The following SOAT1 variants were observed in gnomAD, a reference collection of about 807,000 sequenced individuals.
SOAT1 encodes acyl-coenzyme A:cholesterol acyltransferase 1.
A neutral mutation model predicts 69.5 loss-of-function variants in SOAT1; 55 were observed. The ratio of observed to expected loss-of-function variants is 0.79; its 90% CI spans 0.64 to 0.99. The LOEUF is 0.99. Among genes scored for constraint, SOAT1 ranks in the 50% least tolerant of loss-of-function variants. The pLI is 0.00. For missense variants in SOAT1, 580 were observed against 669.3 expected, an observed-to-expected ratio of 0.87 and a Z score of 1.47; for synonymous variants, 231 against 224.7, an observed-to-expected ratio of 1.03 and a Z score of -0.25.
At chr1:179,317,616 C>T (rs1665441855) in intron 2 of SOAT1, among the ~76,000 whole-genome samples, 1 of 149,084 alleles carries the variant, frequency 6.7e-6, no homozygotes, top group African/African-American at 2.5e-5. Flanking sequence ...AATTCATCTG[C>T]CAAAGTGATA....
chr1:179,344,345 A>T (rs1666445356), intron 10 of SOAT1, among the ~76,000 whole-genome samples: 3 of 99,140 alleles, frequency 3.0e-5, no homozygotes, highest in South Asian at 3.8e-4. Flanking sequence ...AAGTTCTTTC[A>T]TTAAGGGGTT....
chr1:179,351,721 A>ATTTTTTTTTGTTTTTTTTTTTTTTTT (rs1666741965), intron 15 of SOAT1, among the ~76,000 whole-genome samples: 1 of 106,468 alleles, frequency 9.4e-6, no homozygotes, highest in Non-Finnish European at 1.8e-5. Context: ...GCCCCTTCTA[A>ATTTTTTTTTGTTTTTTTTTTTTTTTT]TTTTTTTTTT....
At chr1:179,322,928 C>T (rs1049000087) in intron 2 of SOAT1, among the ~76,000 whole-genome samples, 8 of 152,104 alleles carry the variant, frequency 5.3e-5, no homozygotes, top group Admixed American at 5.2e-4. Flanking sequence ...CCTCTGTGTA[C>T]TATTCTGCAA....
intron 1 of SOAT1, among the ~76,000 whole-genome samples, chr1:179,297,916 C>T (rs1342379525): frequency 1.3e-5 from 2 of 149,930 alleles, no homozygotes; most frequent in East Asian, 4.1e-4. Context: ...GCAGGAGAAT[C>T]GCTTGAATCC....
intron 9 of SOAT1, 74 bp from the exon 10 acceptor site, chr1:179,343,516 A>G: frequency 1.5e-6 from 2 of 1,375,502 alleles, no homozygotes; most frequent in South Asian, 1.2e-5. Context: ...ACCAAAAAAC[A>G]TTAATTGTGA....
intron 2 of SOAT1, among the ~76,000 whole-genome samples, chr1:179,318,034 CT>C (rs1665456040): frequency 6.6e-6 from 1 of 151,686 alleles, no homozygotes; most frequent in African/African-American, 2.4e-5. Context: ...CTACAAAACA[CT>C]TAAAAAAAAA....
intron 3 of SOAT1, among the ~76,000 whole-genome samples, chr1:179,334,661 A>G (rs1666083273): frequency 6.6e-6 from 1 of 152,220 alleles, no homozygotes; most frequent in Non-Finnish European, 1.5e-5. Flanking sequence ...TATAAGTGAC[A>G]TTCTGTACCG....
rs142055109 is a variant in SOAT1 at position 179,294,556 on chromosome 1, G to T, written c.-9+620G>T. On this transcript the variant is annotated intron_variant, in intron 1 of 15. Transcript: ENST00000367619. ...TTGGTCACTTTTGTTTGTTTGAGAC[G>T]GAGTCTCGCTGTGTCGCAAGGCTGG... is the stretch of plus-strand genomic sequence containing the variant. 1.0e-3 allele frequency among the ~76,000 whole-genome samples: 157 copies of T among 152,288 alleles called. 1 individual carries two copies. The highest frequency in any genetic ancestry group is 3.6e-3 in the African/African-American group (151 of 41,562).
intron 2 of SOAT1, among the ~76,000 whole-genome samples, chr1:179,306,830 C>CATA (rs1553243339): frequency 1.0e-5 from 1 of 96,628 alleles, no homozygotes; most frequent in South Asian, 3.7e-4. Flanking sequence ...GACTCCATCT[C>CATA]AAAAAAAAAA....
chr1:179,335,102 G>GCCTGTAATT (rs1263121889), intron 3 of SOAT1, among the ~76,000 whole-genome samples: 1 of 151,856 alleles, frequency 6.6e-6, no homozygotes, highest in East Asian at 1.9e-4. Context: ...AGTGCCGCCT[G>GCCTGTAATT]CCTGTAATTC....
Position 179,302,761 on chromosome 1 carries a change from A to G in SOAT1, c.77A>G (p.Gln26Arg). ...GAAAATCCTGAGGAAGATGAAGACC[A>G]GAGAAACCCTGCAAAGGAGTCCCTA... is the stretch of plus-strand genomic sequence containing the variant. The part of the protein sequence containing the change: ...SRENPEEDED[Q>R]RNPAKESLET... The change falls in exon 2 of 16, where the codon CAG becomes CGG. Residue 26 changes from glutamine to arginine, a missense_variant. Physicochemically the swap from Gln to Arg is conservative, Grantham distance 43. Transcript: ENST00000367619. 4 of 1,607,782 alleles carry G rather than the reference A, an allele frequency of 2.5e-6. No individual in the cohort carries two copies. The highest frequency in any genetic ancestry group is 2.5e-6 in the Non-Finnish European group (3 of 1,178,460).
intron 2 of SOAT1, among the ~76,000 whole-genome samples, chr1:179,305,189 G>A (rs1002887323): frequency 2.0e-5 from 3 of 152,092 alleles, no homozygotes; most frequent in Non-Finnish European, 2.9e-5. Flanking sequence ...AAGGGGATTC[G>A]TAGAACATGT....
chr1:179,305,260 G>A (rs1365984226), intron 2 of SOAT1, among the ~76,000 whole-genome samples: 1 of 151,998 alleles, frequency 6.6e-6, no homozygotes, highest in African/African-American at 2.4e-5. Context: ...TTGGTTTTTT[G>A]ATTTGAGGTG....
intron 3 of SOAT1, among the ~76,000 whole-genome samples, chr1:179,330,852 G>A (rs1189070750): frequency 1.3e-5 from 2 of 152,330 alleles, no homozygotes; most frequent in East Asian, 1.9e-4. Flanking sequence ...AGGTATCTGT[G>A]TCTGTTAAGG....
chr1:179,299,050 TA>T (rs1664745031), intron 1 of SOAT1, among the ~76,000 whole-genome samples: 1 of 152,142 alleles, frequency 6.6e-6, no homozygotes, highest in Admixed American at 6.5e-5. Flanking sequence ...AACTTAAGCC[TA>T]ATGTAAGAGA....
intron 6 of SOAT1, 144 bp from the exon 7 acceptor site, chr1:179,340,884 C>T (rs747085408): frequency 1.6e-5 from 10 of 636,084 alleles, no homozygotes; most frequent in Non-Finnish European, 2.7e-5. Flanking sequence ...ACTAGCAGAA[C>T]TATTACATCC....
chr1:179,298,200 C>T (rs1356704924), intron 1 of SOAT1, among the ~76,000 whole-genome samples: 1 of 151,986 alleles, frequency 6.6e-6, no homozygotes, highest in Non-Finnish European at 1.5e-5. Context: ...TCTTCTGCCT[C>T]AGCCTCCTGA....
intron 4 of SOAT1, among the ~76,000 whole-genome samples, chr1:179,336,135 G>GCCTGGGCAAC (rs1553246854): frequency 6.8e-6 from 1 of 146,354 alleles, no homozygotes; most frequent in African/African-American, 2.5e-5. Context: ...CTGCACTCCA[G>GCCTGGGCAAC]AGAGAGACTC....
Position 179,358,584 on chromosome 1 carries a change from T to A in SOAT1, c.*4943T>A, listed in dbSNP as rs1666982895. On this transcript the variant is annotated 3_prime_UTR_variant, in exon 16 of 16. Coordinates refer to ENST00000367619, the MANE Select transcript of SOAT1 (RefSeq NM_003101.6). Reference sequence around the variant, plus strand: ...GGGTAATGCAGCAGATTCCTGTGTCTGTATCTTTCCAGTGTGTGTGTTAAT... The same window carrying A: ...GGGTAATGCAGCAGATTCCTGTGTCAGTATCTTTCCAGTGTGTGTGTTAAT... The A allele has an allele frequency of 6.6e-6, 1 of 152,220 alleles. No homozygotes were observed. Among genetic ancestry groups the A allele is most frequent in the African/African-American group, 2.4e-5 (1 of 41,456 alleles). The allele number at this position is 152,220 out of a possible 1,614,324, so 9.4% of individuals were successfully genotyped here. A position where few individuals can be genotyped will look rare whatever the true frequency, so the allele number is the denominator to read the frequency against.
Sources: allele counts gnomAD v4.1 joint callset (sites outside exome capture counted in the v4.1 genomes callset), GRCh38; gene constraint gnomAD v4.1.1; transcripts MANE v1.5; gene names NCBI Gene and HGNC (gene_info 2026-07-23, HGNC 2026-07-21).